Variants in PHLDB2 observed in about 807,000 individuals in gnomAD.
The protein encoded by PHLDB2 is pleckstrin homology like domain family B member 2, also known as pleckstrin homology-like domain family B member 2.
A neutral mutation model predicts 123.6 loss-of-function variants in PHLDB2; 71 were observed. That is an observed-to-expected ratio of 0.57 (90% CI 0.47 to 0.70). The LOEUF (loss-of-function observed/expected upper bound fraction) is 0.70, where lower values mean the gene tolerates loss of function less well. Among genes scored for constraint, PHLDB2 ranks in the 30% least tolerant of loss-of-function variants. The pLI, the probability that PHLDB2 is intolerant of heterozygous loss-of-function variation, is 0.00. For synonymous variants in PHLDB2, 547 were observed against 541.6 expected, an observed-to-expected ratio of 1.01 and a Z score of -0.14; for missense variants, 1,446 against 1,519.5, an observed-to-expected ratio of 0.95 and a Z score of 0.80.
intron 1 of PHLDB2, among the ~76,000 whole-genome samples, chr3:111,864,851 A>G (rs2108668105): frequency 6.6e-6 from 1 of 152,372 alleles, no homozygotes; most frequent in Admixed American, 6.5e-5. Flanking sequence ...AAGCCAGGTC[A>G]GCTTTTTCTG....
Position 111,739,597 on chromosome 3 carries a change from CAA to C in PHLDB2, c.-49+6905_-49+6906del, listed in dbSNP as rs576933911. On this transcript the variant is annotated intron_variant, in intron 1 of 17. Coordinates refer to the PHLDB2 transcript ENST00000393923. ...TTAAAAAAAAAAAAAACAAAACAAA[CAA>C]AAAAAAAAAACAATGGTCACAGGCT... Among the ~76,000 whole-genome samples the C allele has an allele frequency of 1.6e-4, 17 of 107,472 alleles. 1 individual carries two copies. The highest frequency in any genetic ancestry group is 3.6e-4 in the Non-Finnish European group (17 of 47,522). The allele number at this position is 107,472 out of a possible 152,430, so 70.5% of individuals were successfully genotyped here. A position where few individuals can be genotyped will look rare whatever the true frequency, so the allele number is the denominator to read the frequency against.
intron 2 of PHLDB2, among the ~76,000 whole-genome samples, chr3:111,889,356 C>A (rs1189052675): frequency 6.6e-6 from 1 of 151,120 alleles, no homozygotes; most frequent in Admixed American, 6.6e-5. Context: ...ACATGTGTCC[C>A]TATAGCTGTT....
intron 2 of PHLDB2, among the ~76,000 whole-genome samples, chr3:111,905,228 A>C (rs1212516884): frequency 6.6e-6 from 1 of 152,158 alleles, no homozygotes; most frequent in East Asian, 1.9e-4. Flanking sequence ...GTTGACTACT[A>C]TTTTGTTCTG....
intron 5 of PHLDB2, among the ~76,000 whole-genome samples, chr3:111,921,705 C>G (rs10934126): frequency 0.81 from 122,551 of 151,168 alleles, 50,782 homozygotes; most frequent in Middle Eastern, 0.92. Context: ...GCAGGTTCAG[C>G]CATTCTCCTG....
intron 12 of PHLDB2, among the ~76,000 whole-genome samples, chr3:111,961,428 G>T (rs2071404223): frequency 6.6e-6 from 1 of 152,204 alleles, no homozygotes; most frequent in African/African-American, 2.4e-5. Flanking sequence ...GCTTGTGGAA[G>T]GCTGATTGTT....
intron 9 of PHLDB2, among the ~76,000 whole-genome samples, chr3:111,947,503 A>G (rs965762797): frequency 6.6e-6 from 1 of 152,046 alleles, no homozygotes; most frequent in African/African-American, 2.4e-5. Context: ...TGATTGATTT[A>G]TAACCTCTTT....
intron 2 of PHLDB2, among the ~76,000 whole-genome samples, chr3:111,848,250 A>G (rs1054369704): frequency 4.6e-5 from 7 of 152,176 alleles, no homozygotes; most frequent in Non-Finnish European, 1.0e-4. Flanking sequence ...TGAGAGATAA[A>G]ACTTTCCTTT....
intron 1 of PHLDB2, among the ~76,000 whole-genome samples, chr3:111,755,269 T>G (rs1236609714): frequency 2.2e-5 from 3 of 137,198 alleles, no homozygotes; most frequent in African/African-American, 5.5e-5. Context: ...CAGCTGTGAA[T>G]CCATCTGGTC....
At chr3:111,943,618 T>C (rs2070067790) in intron 8 of PHLDB2, among the ~76,000 whole-genome samples, 2 of 152,140 alleles carry the variant, frequency 1.3e-5, no homozygotes, top group African/African-American at 4.8e-5. Context: ...AGAACGTATA[T>C]GAAGAACCGA....
chr3:111,845,888 A>C, exon 2 of PHLDB2: 1 of 1,614,188 alleles, frequency 6.2e-7, no homozygotes, highest in Non-Finnish European at 8.5e-7. Flanking sequence ...GAGGATACCA[A>C]GAGAGAGGTG....
chr3:111,767,030 CAAAAAA>C (rs5851783), intron 1 of PHLDB2, among the ~76,000 whole-genome samples: 2 of 63,038 alleles, frequency 3.2e-5, no homozygotes, highest in Admixed American at 4.3e-4. Flanking sequence ...GACTTCATCT[CAAAAAA>C]AAAAAAAAAA....
chr3:111,855,878 T>C (rs993871410), upstream of PHLDB2, among the ~76,000 whole-genome samples: 2 of 152,136 alleles, frequency 1.3e-5, no homozygotes, highest in Admixed American at 6.6e-5. Context: ...GCAATCCTGC[T>C]ACCTCGGCTC....
At chr3:111,741,853 A>G (rs6770607) in intron 1 of PHLDB2, among the ~76,000 whole-genome samples, 150,108 of 152,272 alleles carry the variant, frequency 0.99, 74,029 homozygotes, top group Middle Eastern at 1. Context: ...ATGTCTAAAC[A>G]AATCTCAGGC....
At chr3:111,855,140 ATAGAGT>A (rs2064423373), upstream of PHLDB2, among the ~76,000 whole-genome samples, 1 of 152,180 alleles carries the variant, frequency 6.6e-6, no homozygotes, top group Admixed American at 6.5e-5. Context: ...AGCATCCAAG[ATAGAGT>A]TGCTTTAGCC....
intron 1 of PHLDB2, among the ~76,000 whole-genome samples, chr3:111,818,178 G>GTGTGTA (rs1289601174): frequency 6.6e-6 from 1 of 151,582 alleles, no homozygotes; most frequent in Admixed American, 6.6e-5. Flanking sequence ...GTGTGTGTGT[G>GTGTGTA]TGTGTGTGTG....
intron 1 of PHLDB2, among the ~76,000 whole-genome samples, chr3:111,761,758 G>A (rs72945386): frequency 0.02 from 3,111 of 152,222 alleles, 89 homozygotes; most frequent in African/African-American, 0.069. Context: ...GATGCTGGTC[G>A]GGGATACCAC....
chr3:111,936,674 A>T (rs2107587677), intron 6 of PHLDB2, among the ~76,000 whole-genome samples: 1 of 152,350 alleles, frequency 6.6e-6, no homozygotes, highest in African/African-American at 2.4e-5. Flanking sequence ...TGCAGGGTTA[A>T]AATAACACAT....
At chr3:111,922,451 T>C (rs1683253246) in intron 5 of PHLDB2, among the ~76,000 whole-genome samples, 1 of 152,222 alleles carries the variant, frequency 6.6e-6, no homozygotes, top group African/African-American at 2.4e-5. Context: ...TTTGATGGCT[T>C]GACAGAGGCT....
intron 1 of PHLDB2, among the ~76,000 whole-genome samples, chr3:111,764,691 C>G (rs2060050443): frequency 6.6e-6 from 1 of 152,192 alleles, no homozygotes; most frequent in South Asian, 2.1e-4. Context: ...CAGCATCATT[C>G]AATTCCAGGG....
Sources: allele counts gnomAD v4.1 joint callset (sites outside exome capture counted in the v4.1 genomes callset), GRCh38; gene constraint gnomAD v4.1.1; transcripts MANE v1.5; gene names NCBI Gene and HGNC (gene_info 2026-07-23, HGNC 2026-07-21).